PTPRN2: variants seen among roughly 807,000 people sequenced by gnomAD.
The protein encoded by PTPRN2 is protein tyrosine phosphatase receptor type N2.
Under a neutral mutation model 118.8 loss-of-function variants are expected in PTPRN2, and 74 were observed. That is an observed-to-expected ratio of 0.62 (90% CI 0.52 to 0.76). The LOEUF is 0.76. Among genes scored for constraint, PTPRN2 ranks in the 30% least tolerant of loss-of-function variants. PTPRN2 has a pLI of 0.00. For synonymous variants in PTPRN2, 641 were observed against 608.0 expected (o/e 1.05, Z -0.80); for missense variants, 1,481 against 1,394.4 (o/e 1.06, Z -0.99).
intron 2 of PTPRN2, among the ~76,000 whole-genome samples, chr7:158,356,607 C>G (rs534757252): frequency 5.8e-4 from 89 of 152,254 alleles, no homozygotes; most frequent in South Asian, 5.8e-3. Context: ...ATGCACACCT[C>G]TTAAATAAAC....
intron 3 of PTPRN2, among the ~76,000 whole-genome samples, chr7:158,249,224 T>C (rs1490503081): frequency 1.3e-5 from 2 of 151,722 alleles, no homozygotes; most frequent in Admixed American, 1.3e-4. Flanking sequence ...CATAAATGCA[T>C]ACATACACGT....
chr7:157,927,323 A>G (rs1799069662), intron 11 of PTPRN2, among the ~76,000 whole-genome samples: 2 of 52,062 alleles, frequency 3.8e-5, no homozygotes, highest in African/African-American at 1.1e-4. Flanking sequence ...CTGGGACCCC[A>G]AGACAGGAAG....
chr7:157,968,829 G>A (rs538817892), intron 11 of PTPRN2, among the ~76,000 whole-genome samples: 10 of 152,276 alleles, frequency 6.6e-5, no homozygotes, highest in Middle Eastern at 3.4e-3. Context: ...AAAAAATCCC[G>A]TTGATCCTGG....
rs1364722746 is a variant in PTPRN2, at chr7:158,022,270, C to T, written c.1723+59028G>A. Among the ~76,000 whole-genome samples, 1 of 152,226 alleles carries T rather than the reference C, an allele frequency of 6.6e-6. No individual in the cohort carries two copies. The highest frequency in any genetic ancestry group is 2.4e-5 in the African/African-American group (1 of 41,456). On this transcript the variant is annotated intron_variant, in intron 11 of 22. Coordinates refer to ENST00000389418, the MANE Select transcript of PTPRN2 (RefSeq NM_002847.5). The surrounding 1 kb of genome is among the most constrained non-coding windows in gnomAD (Gnocchi z 4.6). ...CATTGCTGACCCTACAGCATGATGA[C>T]TCCGTTTCCTACACGGTTCCGAGCG...
rs193029281 is a variant in PTPRN2 at position 158,093,668 on chromosome 7, C to T, written c.1644-12291G>A. ...AGGAGACATCGGGAACATAAAACTC[C>T]GGAATTCCACGTGGATAGCATAATG... On this transcript the variant is annotated intron_variant, in intron 10 of 22. Transcript: ENST00000389418. The surrounding 1 kb of genome is among the most constrained non-coding windows in gnomAD (Gnocchi z 4.4). Among the ~76,000 whole-genome samples the T allele has an allele frequency of 3.9e-5, 6 of 152,318 alleles. No homozygotes were observed.
chr7:158,004,472 T>A (rs1053589480), intron 11 of PTPRN2, among the ~76,000 whole-genome samples: 11 of 152,244 alleles, frequency 7.2e-5, no homozygotes, highest in South Asian at 4.1e-4. Flanking sequence ...TTGCTATAAA[T>A]AACACCTTAG....
chr7:158,385,989 C>T (rs1586536654), intron 2 of PTPRN2, among the ~76,000 whole-genome samples: 1 of 142,448 alleles, frequency 7.0e-6, no homozygotes, highest in African/African-American at 2.6e-5. Context: ...TCCTCCCATG[C>T]CCTGAGTCCC....
intron 12 of PTPRN2, among the ~76,000 whole-genome samples, chr7:157,713,705 C>T (rs552569539): frequency 9.2e-5 from 14 of 152,286 alleles, no homozygotes; most frequent in African/African-American, 2.9e-4. Context: ...TCTCTTATTC[C>T]GGCGTCTTTC....
chr7:158,167,494 T>G (rs1045184512), intron 5 of PTPRN2, among the ~76,000 whole-genome samples: 8 of 152,216 alleles, frequency 5.3e-5, no homozygotes, highest in African/African-American at 1.9e-4. Flanking sequence ...ATTTTCACAC[T>G]GACCAACCCA....
intron 11 of PTPRN2, among the ~76,000 whole-genome samples, chr7:158,020,896 C>G (rs1193659955): frequency 6.6e-6 from 1 of 152,164 alleles, no homozygotes; most frequent in Admixed American, 6.5e-5. Context: ...ATGCCGTCCT[C>G]ACTCAGGCTC....
intron 12 of PTPRN2, among the ~76,000 whole-genome samples, chr7:157,696,056 T>C (rs541171039): frequency 1.8e-4 from 26 of 142,200 alleles, no homozygotes; most frequent in African/African-American, 6.7e-4. Context: ...TACTGGGTCT[T>C]GGAAGAGCCC....
At chr7:158,161,316 T>C (rs7801641) in intron 6 of PTPRN2, among the ~76,000 whole-genome samples, 39,326 of 152,078 alleles carry the variant, frequency 0.26, 7,082 homozygotes, top group African/African-American at 0.52. Context: ...ATCATTAGGA[T>C]GCACTACACC....
At chr7:157,992,306 AAG>A (rs758136352) in intron 11 of PTPRN2, among the ~76,000 whole-genome samples, 26 of 152,360 alleles carry the variant, frequency 1.7e-4, no homozygotes, top group Non-Finnish European at 3.1e-4. Context: ...GTTCTCTGGA[AAG>A]AGGGGCTGCT....
chr7:158,171,276 CACACATATATAT>C (rs1823615023), intron 5 of PTPRN2, among the ~76,000 whole-genome samples: 1 of 60,422 alleles, frequency 1.7e-5, no homozygotes, highest in Non-Finnish European at 2.9e-5. Flanking sequence ...CACATATATA[CACACATATATAT>C]ACACACATAT....
chr7:158,586,200 G>A (rs1828899218), intron 1 of PTPRN2, among the ~76,000 whole-genome samples: 1 of 152,232 alleles, frequency 6.6e-6, no homozygotes, highest in Admixed American at 6.5e-5. Flanking sequence ...GAGACAAGCA[G>A]GTTAGGGAGT....
At chr7:158,284,551 G>A (rs1185435997) in intron 3 of PTPRN2, among the ~76,000 whole-genome samples, 1 of 152,128 alleles carries the variant, frequency 6.6e-6, no homozygotes, top group Non-Finnish European at 1.5e-5. Context: ...AGCCACTGTC[G>A]GTGGTTTTGA....
At chr7:157,662,768 G>T (rs1189624780) in intron 13 of PTPRN2, among the ~76,000 whole-genome samples, 3 of 152,192 alleles carry the variant, frequency 2.0e-5, no homozygotes, top group Non-Finnish European at 4.4e-5. Context: ...CTGCATCCAT[G>T]CCGCGACTGC....
Position 158,441,817 on chromosome 7 carries a change from G to A in PTPRN2, c.163+47918C>T, listed in dbSNP as rs28671417. Among the ~76,000 whole-genome samples the A allele has an allele frequency of 5.1e-3, 436 of 85,424 alleles. 1 individual carries two copies. Among genetic ancestry groups the A allele is most frequent in the African/African-American group, 9.0e-3 (202 of 22,446 alleles). 56.0% of individuals were successfully genotyped at this position (85,424 alleles called of 152,430 possible). A position where few individuals can be genotyped will look rare whatever the true frequency, so the allele number is the denominator to read the frequency against. ...TGATGGTCATGGCAGTGGTGGTGAT[G>A]GTGATAGTGATGGTCATGGCAGTGG... On this transcript the variant is annotated intron_variant, in intron 2 of 22. Coordinates refer to ENST00000389418, the MANE Select transcript of PTPRN2 (RefSeq NM_002847.5).
intron 2 of PTPRN2, among the ~76,000 whole-genome samples, chr7:158,331,195 T>A (rs367881154): frequency 6.1e-5 from 6 of 97,962 alleles, no homozygotes; most frequent in East Asian, 2.9e-4. Flanking sequence ...CACGCAGACG[T>A]CACTCACACC....
Sources: gnomAD v4.1 joint callset for allele counts (sites outside exome capture counted in the v4.1 genomes callset) on GRCh38, gnomAD v4.1.1 for gene constraint, Gnocchi (gnomAD v3.1) non-coding constraint, MANE v1.5 for transcripts, NCBI Gene and HGNC (gene_info 2026-07-23, HGNC 2026-07-21) for gene names.